C3orf33: variants seen among roughly 807,000 people sequenced by gnomAD.
C3orf33 encodes AP-1 activity suppressor.
C3orf33 carries 23 observed loss-of-function variants against 28.7 expected under a neutral mutation model. The ratio of observed to expected loss-of-function variants is 0.80; its 90% CI spans 0.58 to 1.13. The LOEUF (loss-of-function observed/expected upper bound fraction) is 1.13. Ranked by LOEUF, C3orf33 falls within the 50% of genes most tolerant of loss-of-function variation. C3orf33 has a pLI of 0.00. For missense variants in C3orf33, 327 were observed against 353.4 expected (o/e 0.93, Z 0.60); for synonymous variants, 119 against 120.5 (o/e 0.99, Z 0.08).
intron 4 of C3orf33, among the ~76,000 whole-genome samples, chr3:155,765,090 A>T (rs1750357579): frequency 6.6e-6 from 1 of 152,232 alleles, no homozygotes; most frequent in East Asian, 1.9e-4. Context: ...ACACGTTAGC[A>T]AAATTCAAAC....
chr3:155,806,247 C>A lies in C3orf33; in HGVS notation c.6G>T (p.Ala2=), dbSNP rs1020276681. 6 of 1,471,596 alleles carry A rather than the reference C, an allele frequency of 4.1e-6. No homozygotes were observed. The East Asian group carries it at 8.2e-5, about 20-fold the overall frequency. The allele number at this position is 1,471,596 out of a possible 1,614,324, so 91.2% of individuals were successfully genotyped here. The change falls in exon 1 of 5, where the codon GCG becomes GCT. Residue 2 remains alanine (A), a synonymous_variant. Coordinates refer to ENST00000340171, the MANE Select transcript of C3orf33 (RefSeq NM_001308229.2). ...GCGAGCCGGTGGCCGCGGGCTGCCC[C>A]GCCATGTTCCCGGCCTCCTGCGAGC... The part of the protein sequence containing the change: M[A]GQPAATGSPS...
At chr3:155,800,732 C>CA (rs1276478060) in intron 2 of C3orf33, among the ~76,000 whole-genome samples, 23 of 133,558 alleles carry the variant, frequency 1.7e-4, no homozygotes, top group African/African-American at 5.9e-4. Flanking sequence ...AATTCAACAA[C>CA]AAAAAAACAA....
At position 155,778,141 on chromosome 3, in the gene C3orf33, C is replaced by CAAAAAA. The variant is rs55700532; in HGVS notation, c.175-2299_175-2294dup. On this transcript the variant is annotated intron_variant, in intron 2 of 4. Coordinates refer to ENST00000340171, the MANE Select transcript of C3orf33 (RefSeq NM_001308229.2). ...CTCCAGCCTGAGTGAAACTCCATTT[C>CAAAAAA]AAAAAAAAAAAAAAAAAAAAAACAA... is the stretch of plus-strand genomic sequence containing the variant. Among the ~76,000 whole-genome samples the CAAAAAA allele has an allele frequency of 1.6e-4, 12 of 75,750 alleles. 1 individual carries two copies. Among genetic ancestry groups the CAAAAAA allele is most frequent in the Non-Finnish European group, 2.6e-4 (11 of 42,996 alleles). The allele number at this position is 75,750 out of a possible 152,430, so 49.7% of individuals were successfully genotyped here.
chr3:155,801,469 C>T (rs1355822259), intron 2 of C3orf33, among the ~76,000 whole-genome samples: 1 of 152,096 alleles, frequency 6.6e-6, no homozygotes, highest in South Asian at 2.1e-4. Context: ...ATGGAAGCAA[C>T]CCAAGTGTCC....
intron 2 of C3orf33, among the ~76,000 whole-genome samples, chr3:155,776,415 C>CT (rs1288855169): frequency 4.6e-5 from 7 of 152,138 alleles, no homozygotes; most frequent in African/African-American, 1.7e-4. Context: ...TCAATCAACA[C>CT]TTTATGCCTA....
At chr3:155,778,141 C>CA (rs55700532) in intron 2 of C3orf33, among the ~76,000 whole-genome samples, 4,789 of 75,516 alleles carry the variant, frequency 0.063, 521 homozygotes, top group African/African-American at 0.14. Context: ...AACTCCATTT[C>CA]AAAAAAAAAA....
intron 2 of C3orf33, among the ~76,000 whole-genome samples, chr3:155,794,582 G>A (rs1751425721): frequency 6.6e-6 from 1 of 151,848 alleles, no homozygotes; most frequent in Non-Finnish European, 1.5e-5. Context: ...AAAAGACATA[G>A]AGTAGCTGAA....
intron 4 of C3orf33, among the ~76,000 whole-genome samples, chr3:155,767,128 G>A (rs867333523): frequency 7.9e-5 from 12 of 151,522 alleles, no homozygotes; most frequent in African/African-American, 2.7e-4. Flanking sequence ...CGGCGCCCAT[G>A]TGTAGTCCCA....
chr3:155,764,014 T>C (rs1321895985), intron 4 of C3orf33, 96 bp from the exon 5 acceptor site: 1 of 1,029,482 alleles, frequency 9.7e-7, no homozygotes, highest in African/African-American at 1.7e-5. Context: ...TTCAACAATT[T>C]TAGTCCTCCA....
At chr3:155,797,548 C>T (rs1430087654) in intron 2 of C3orf33, among the ~76,000 whole-genome samples, 2 of 151,934 alleles carry the variant, frequency 1.3e-5, no homozygotes, top group African/African-American at 4.8e-5. Context: ...GATCTGTATT[C>T]GAAAAAACCT....
At position 155,786,527 on chromosome 3, in the gene C3orf33, C is replaced by T. The variant is rs551893828; in HGVS notation, c.175-10679G>A. On this transcript the variant is annotated intron_variant, in intron 2 of 4. Coordinates refer to ENST00000340171, the MANE Select transcript of C3orf33 (RefSeq NM_001308229.2). ...ATAACATAGATGAAATGGATAAATT[C>T]ATAGAAACAAAAAACCAGGCCAGGC... is the stretch of plus-strand genomic sequence containing the variant. 2.0e-5 allele frequency among the ~76,000 whole-genome samples: 3 copies of T among 152,146 alleles called. No homozygotes were observed. The South Asian group carries it at 6.2e-4, about 32-fold the overall frequency.
At chr3:155,781,585 C>T (rs910132438) in intron 2 of C3orf33, among the ~76,000 whole-genome samples, 2 of 151,192 alleles carry the variant, frequency 1.3e-5, no homozygotes, top group East Asian at 4.0e-4. Context: ...CTGGCTAACA[C>T]GGTGAAACCC....
intron 2 of C3orf33, among the ~76,000 whole-genome samples, chr3:155,782,376 T>C (rs1577423626): frequency 6.7e-6 from 1 of 149,358 alleles, no homozygotes; most frequent in South Asian, 2.1e-4. Context: ...CCAAGTTTGA[T>C]GAAACAGACA....
rs1246754908 is a variant in C3orf33 at position 155,806,138 on chromosome 3, C to T, written c.114+1G>A. 6.9e-7 allele frequency: 1 copy of T among 1,457,914 alleles called. No homozygotes were observed. The highest frequency in any genetic ancestry group is 9.1e-7 in the Non-Finnish European group (1 of 1,095,952). The allele number at this position is 1,457,914 out of a possible 1,614,324, so 90.3% of individuals were successfully genotyped here. On this transcript the variant is annotated splice_donor_variant, in intron 1 of 4. Transcript: ENST00000340171. LOFTEE classifies it high-confidence loss of function. The stretch of plus-strand genomic sequence containing the variant: ...CCGCCCAGACTGCGTGGCCCCAGTA[C>T]CCGGACTAGGCGCAGGTGGTCGTCT...
At chr3:155,784,384 G>A (rs1751035826) in intron 2 of C3orf33, among the ~76,000 whole-genome samples, 1 of 152,046 alleles carries the variant, frequency 6.6e-6, no homozygotes, top group South Asian at 2.1e-4. Context: ...ATAACTTTAG[G>A]ATGTTAATGG....
intron 4 of C3orf33, among the ~76,000 whole-genome samples, chr3:155,767,063 G>A (rs1255204467): frequency 6.6e-6 from 1 of 152,120 alleles, no homozygotes; most frequent in African/African-American, 2.4e-5. Context: ...GACCATCCTG[G>A]CCAACATGGT....
At position 155,775,571 on chromosome 3, in the gene C3orf33, A is replaced by C. The variant is rs932790127; in HGVS notation, c.322+130T>G. 9.1e-6 allele frequency: 5 copies of C among 548,964 alleles called. No homozygotes were observed. In the Admixed American group the frequency reaches 1.3e-4, roughly 14 times the overall value. The allele number at this position is 548,964 out of a possible 1,614,324, so 34.0% of individuals were successfully genotyped here. On this transcript the variant is annotated intron_variant, in intron 3 of 4. Coordinates refer to ENST00000340171, the MANE Select transcript of C3orf33 (RefSeq NM_001308229.2). ...CCACCTCCTTATATATAAAGCCAAG[A>C]ATTGAGACTTTCTCATGGACAATGG...
chr3:155,783,715 C>T (rs142293395), intron 2 of C3orf33, among the ~76,000 whole-genome samples: 3,893 of 152,176 alleles, frequency 0.026, 185 homozygotes, highest in African/African-American at 0.089. Flanking sequence ...AATCTGCCCG[C>T]TTTGGCCTCC....
intron 1 of C3orf33, among the ~76,000 whole-genome samples, chr3:155,803,355 G>A (rs761040318): frequency 2.0e-5 from 3 of 151,792 alleles, no homozygotes; most frequent in Admixed American, 6.6e-5. Context: ...CACAAGGCCA[G>A]GAGATCGAGA....
Sources: allele counts gnomAD v4.1 joint callset (sites outside exome capture counted in the v4.1 genomes callset), GRCh38; gene constraint gnomAD v4.1.1; transcripts MANE v1.5; gene names NCBI Gene and HGNC (gene_info 2026-07-23, HGNC 2026-07-21).